The following TM9SF3 variants were observed in gnomAD, a reference collection of about 807,000 sequenced individuals.
TM9SF3 encodes SM-11044-binding protein.
In TM9SF3, 14 loss-of-function variants were observed where a neutral mutation model predicts 78.6. That is an observed-to-expected ratio of 0.18 (90% CI 0.12 to 0.28). TM9SF3 has a LOEUF of 0.28. Ranked by LOEUF, TM9SF3 falls within the 10% of genes least tolerant of loss-of-function variation. The pLI, the probability that TM9SF3 is intolerant of heterozygous loss-of-function variation, is 1.00. For missense variants in TM9SF3, 496 were observed against 721.9 expected (o/e 0.69, Z 3.59); for synonymous variants, 231 against 241.7 (o/e 0.96, Z 0.41).
At chr10:96,584,718 C>T (rs1218633504) in intron 1 of TM9SF3, among the ~76,000 whole-genome samples, 3 of 152,068 alleles carry the variant, frequency 2.0e-5, no homozygotes, top group Non-Finnish European at 2.9e-5. Context: ...GGCTAAGGCA[C>T]GAGAATCGCT....
chr10:96,551,296 G>A lies in TM9SF3; in HGVS notation c.908C>T (p.Ala303Val). 1.2e-6 allele frequency: 2 copies of A among 1,612,754 alleles called. No homozygotes were observed. The highest frequency in any genetic ancestry group is 1.7e-4 in the Middle Eastern group (1 of 6,056). Residue 303 changes from alanine to valine, a missense_variant, in exon 7 of 15, where the codon GCT (alanine) becomes GTT (valine). This residue lies in a region of TM9SF3 where 280 missense variants were observed against 422.6 expected (regional missense o/e 0.66). Transcript: ENST00000371142. ...AACAATAATAACGATGAGAGACACA[G>A]CAAATATCTGACATCCAGAACCAAT... Reference protein sequence around the residue: ...SLIGSGCQIFAVSLIVIIVAM... With the variant: ...SLIGSGCQIFVVSLIVIIVAM...
chr10:96,544,226 T>C lies in TM9SF3; in HGVS notation c.1055-20A>G. The C allele has an allele frequency of 6.4e-7, 1 of 1,551,458 alleles. No homozygotes were observed. On this transcript the variant is annotated intron_variant, in intron 8 of 14. Coordinates refer to ENST00000371142, the MANE Select transcript of TM9SF3 (RefSeq NM_020123.4). ...TCCTTCCTGAAAAGAAAGGAAACTA[T>C]GAAAGTTTAATATAATTATTTAGTA...
At position 96,576,477 on chromosome 10, in the gene TM9SF3, G is replaced by A; in HGVS notation, c.298+157C>T. 5.3e-6 allele frequency: 3 copies of A among 569,278 alleles called. No homozygotes were observed. The South Asian group carries it at 1.6e-4, about 30-fold the overall frequency. 35.3% of individuals were successfully genotyped at this position (569,278 alleles called of 1,614,324 possible). A position where few individuals can be genotyped will look rare whatever the true frequency, so the allele number is the denominator to read the frequency against. On this transcript the variant is annotated intron_variant, in intron 2 of 14. Transcript: ENST00000371142. ...CAACTGGAAGGTGCTACTGGCATCT[G>A]GGGGGTACAGGCCAGGGACTCTGCT...
intron 1 of TM9SF3, among the ~76,000 whole-genome samples, chr10:96,579,406 T>G (rs1345367810): frequency 6.6e-6 from 1 of 152,230 alleles, no homozygotes. Flanking sequence ...TTCCAATACT[T>G]TTCCTTTAAA....
intron 8 of TM9SF3, among the ~76,000 whole-genome samples, chr10:96,547,315 C>G (rs1485664445): frequency 6.6e-6 from 1 of 152,144 alleles, no homozygotes. Flanking sequence ...TCACATGGAG[C>G]ACATCTAGAG....
chr10:96,578,331 T>C (rs1403154362), intron 1 of TM9SF3, among the ~76,000 whole-genome samples: 2 of 152,178 alleles, frequency 1.3e-5, no homozygotes, highest in African/African-American at 4.8e-5. Context: ...CTTAAGAAGT[T>C]CATAATCCAC....
intron 9 of TM9SF3, among the ~76,000 whole-genome samples, chr10:96,535,471 T>A (rs987254665): frequency 6.6e-6 from 1 of 152,240 alleles, no homozygotes; most frequent in African/African-American, 2.4e-5. Flanking sequence ...CACAACTTTA[T>A]TGCTCTTATT....
intron 2 of TM9SF3, among the ~76,000 whole-genome samples, chr10:96,573,007 A>C (rs1049080034): frequency 5.3e-5 from 8 of 152,192 alleles, no homozygotes; most frequent in Non-Finnish European, 1.2e-4. Context: ...AGCCTGACAC[A>C]GTCTAATAGG....
At chr10:96,554,457 T>C (rs1675665926) in intron 5 of TM9SF3, among the ~76,000 whole-genome samples, 1 of 152,116 alleles carries the variant, frequency 6.6e-6, no homozygotes, top group African/African-American at 2.4e-5. Flanking sequence ...TGCCTCACTC[T>C]CCTTGATCTC....
At position 96,544,168 on chromosome 10, in the gene TM9SF3, G is replaced by T; in HGVS notation, c.1093C>A (p.Leu365Ile). Residue 365 changes from leucine (L) to isoleucine (I), a missense_variant, in exon 9 of 15, where the codon CTT becomes ATT. Physicochemically the swap from Leu to Ile is conservative, Grantham distance 5. This residue lies in a region of TM9SF3 where 280 missense variants were observed against 422.6 expected (regional missense o/e 0.66). Transcript: ENST00000371142. ...GTGCCACACACCATAGCTGGGATAA[G>T]GAATGCCCCAATAAACATCTGCTTT... ...WIKQMFIGAF[L>I]IPAMVCGTAF... 6.2e-7 allele frequency: 1 copy of T among 1,611,718 alleles called. No individual in the cohort carries two copies. Among genetic ancestry groups the T allele is most frequent in the Non-Finnish European group, 8.5e-7 (1 of 1,178,788 alleles).
intron 5 of TM9SF3, 80 bp downstream of exon 5, chr10:96,559,579 C>T: frequency 1.0e-6 from 1 of 997,246 alleles, no homozygotes; most frequent in Admixed American, 2.5e-5. Context: ...AACACAGTGC[C>T]CTGCAAATGA....
chr10:96,551,365 T>C lies in TM9SF3; in HGVS notation c.839A>G (p.Asp280Gly). The C allele has an allele frequency of 6.2e-7, 1 of 1,612,386 alleles. No homozygotes were observed. The highest frequency in any genetic ancestry group is 8.5e-7 in the Non-Finnish European group (1 of 1,179,202). ...DEYGWKQVHG[D>G]VFRPSSHPLI... ...TGGGTGACTTGATGGTCTAAATACA[T>C]CTCCATGCACCTGTTTCCATCCATA... The change falls in exon 7 of 15, where the codon GAT becomes GGT. Residue 280 changes from aspartate (D) to glycine (G), a missense_variant. Around this residue, in one of 4 missense-constraint regions of TM9SF3, gnomAD observed 280 missense variants for 422.6 expected, o/e 0.66. Transcript: ENST00000371142.
At chr10:96,530,767 A>C (rs896859937) in intron 10 of TM9SF3, among the ~76,000 whole-genome samples, 159 bp from the exon 11 acceptor site, 2 of 152,228 alleles carry the variant, frequency 1.3e-5, no homozygotes, top group Non-Finnish European at 2.9e-5. Context: ...GGCACAATAC[A>C]TAGGTGGGAC....
intron 11 of TM9SF3, among the ~76,000 whole-genome samples, chr10:96,528,852 C>T (rs1589446278): frequency 6.6e-6 from 1 of 152,034 alleles, no homozygotes; most frequent in Non-Finnish European, 1.5e-5. Flanking sequence ...GTTATAAAGA[C>T]CCTTAATGGC....
intron 9 of TM9SF3, among the ~76,000 whole-genome samples, chr10:96,536,633 G>A (rs889704932): frequency 6.6e-6 from 1 of 152,052 alleles, no homozygotes; most frequent in African/African-American, 2.4e-5. Context: ...ACTTACAAGT[G>A]GATTTTCTTC....
chr10:96,570,514 C>T (rs529874785), intron 2 of TM9SF3, among the ~76,000 whole-genome samples: 5 of 152,240 alleles, frequency 3.3e-5, no homozygotes, highest in East Asian at 3.9e-4. Context: ...TATAAGAAAT[C>T]GGTAATAAGA....
intron 2 of TM9SF3, among the ~76,000 whole-genome samples, chr10:96,575,036 AC>A (rs1477673920): frequency 2.0e-5 from 3 of 152,040 alleles, no homozygotes; most frequent in African/African-American, 7.3e-5. Context: ...TCAAAACTGC[AC>A]GTTCTGCACA....
rs368159413 is a variant in TM9SF3 at position 96,578,965 on chromosome 10, T to TA, written c.103-2137dup. Among the ~76,000 whole-genome samples, 339 of 152,264 alleles carry TA rather than the reference T, an allele frequency of 2.2e-3. 1 individual carries two copies. Among genetic ancestry groups the TA allele is most frequent in the African/African-American group, 6.9e-3 (288 of 41,548 alleles). On this transcript the variant is annotated intron_variant, in intron 1 of 14. Coordinates refer to ENST00000371142, the MANE Select transcript of TM9SF3 (RefSeq NM_020123.4). Reference sequence around the variant, plus strand: ...GTGGCACACACCTTGTAATCCCAGCTACTTGGGAGGCTGAGGCAAGAGAAT... The same window carrying TA: ...GTGGCACACACCTTGTAATCCCAGCTAACTTGGGAGGCTGAGGCAAGAGAAT...
rs1362437574 is a variant in TM9SF3 at position 96,519,174 on chromosome 10, T to C, written c.*3089A>G. On this transcript the variant is annotated 3_prime_UTR_variant, in exon 15 of 15. Coordinates refer to ENST00000371142, the MANE Select transcript of TM9SF3 (RefSeq NM_020123.4). ...TGCAAGACATTTGGTATAAGGTGGTTAATAAATATTAGGAAACAAACACTG... is the reference window on the plus strand; with the variant it reads ...TGCAAGACATTTGGTATAAGGTGGTCAATAAATATTAGGAAACAAACACTG... 6.6e-6 allele frequency: 1 copy of C among 152,060 alleles called. No homozygotes were observed. The highest frequency in any genetic ancestry group is 2.4e-5 in the African/African-American group (1 of 41,444). The allele number at this position is 152,060 out of a possible 1,614,324, so 9.4% of individuals were successfully genotyped here. A position where few individuals can be genotyped will look rare whatever the true frequency, so the allele number is the denominator to read the frequency against.
Sources: allele counts gnomAD v4.1 joint callset (sites outside exome capture counted in the v4.1 genomes callset), GRCh38; gene constraint gnomAD v4.1.1; regional missense constraint gnomAD v4.1.1; transcripts MANE v1.5; gene names NCBI Gene and HGNC (gene_info 2026-07-23, HGNC 2026-07-21).